VAV2: variants seen among roughly 807,000 people sequenced by gnomAD.
The protein encoded by VAV2 is vav guanine nucleotide exchange factor 2.
Under a neutral mutation model 132.5 loss-of-function variants are expected in VAV2, and 67 were observed. The observed-to-expected ratio is 0.51, with a 90% CI of 0.42 to 0.62. The LOEUF is 0.62. Among genes scored for constraint, VAV2 ranks in the 20% least tolerant of loss-of-function variants. VAV2 has a pLI of 0.00. For missense variants in VAV2, 938 were observed against 1,153.6 expected, an observed-to-expected ratio of 0.81 and a Z score of 2.71; for synonymous variants, 492 against 443.5, an observed-to-expected ratio of 1.11 and a Z score of -1.37.
intron 4 of VAV2, among the ~76,000 whole-genome samples, chr9:133,814,471 C>T (rs1835479404): frequency 6.6e-6 from 1 of 152,256 alleles, no homozygotes; most frequent in African/African-American, 2.4e-5. Context: ...GACAGGGAAG[C>T]TTCCAGGCTG....
intron 3 of VAV2, among the ~76,000 whole-genome samples, chr9:133,838,413 G>A (rs1310570504): frequency 6.9e-6 from 1 of 144,188 alleles, no homozygotes; most frequent in Non-Finnish European, 1.5e-5. Flanking sequence ...CTGGCTGAGT[G>A]GGTGCATGGA....
intron 3 of VAV2, among the ~76,000 whole-genome samples, chr9:133,848,443 A>G (rs1837035927): frequency 1.3e-5 from 2 of 152,210 alleles, no homozygotes; most frequent in East Asian, 1.9e-4. Context: ...AGAAACTTCC[A>G]AGTTTCTTGT....
chr9:133,885,042 G>A lies in VAV2; in HGVS notation c.322-23610C>T, dbSNP rs1310128592. Among the ~76,000 whole-genome samples the A allele has an allele frequency of 6.6e-6, 1 of 152,238 alleles. No homozygotes were observed. Among genetic ancestry groups the A allele is most frequent in the Non-Finnish European group, 1.5e-5 (1 of 68,046 alleles). ...CTTCCAGGCCGATGACACCATCTGA[G>A]CCAGCCACAGTGACAGGCAGAGCCT... On this transcript the variant is annotated intron_variant, in intron 2 of 29. Coordinates refer to ENST00000371850, the MANE Select transcript of VAV2 (RefSeq NM_001134398.2). This position sits in a 1 kb window ranked among gnomAD's most constrained non-coding sequence, Gnocchi z 5.0.
chr9:133,900,273 G>C (rs1839390181), intron 2 of VAV2, among the ~76,000 whole-genome samples: 1 of 152,006 alleles, frequency 6.6e-6, no homozygotes, highest in Non-Finnish European at 1.5e-5. Flanking sequence ...CATGAAAAAA[G>C]CCACTCCTGA....
rs187964046 is a variant in VAV2 at position 133,800,642 on chromosome 9, C to T, written c.837-2833G>A. 7.5e-4 allele frequency among the ~76,000 whole-genome samples: 114 copies of T among 152,328 alleles called. 1 individual carries two copies. The East Asian group carries it at 0.02, about 27-fold the overall frequency. On this transcript the variant is annotated intron_variant, in intron 9 of 29. Transcript: ENST00000371850. ...GAAAAAGCTCCCAACTGAAGCCCAGCGGATAACATGCCTGGTGCCAGCAGC... is the reference window on the plus strand; with the variant it reads ...GAAAAAGCTCCCAACTGAAGCCCAGTGGATAACATGCCTGGTGCCAGCAGC...
chr9:133,941,073 T>C (rs1020887591), intron 1 of VAV2, among the ~76,000 whole-genome samples: 2 of 152,018 alleles, frequency 1.3e-5, no homozygotes, highest in Non-Finnish European at 2.9e-5. Flanking sequence ...TACCGTCCAA[T>C]AGGGCAGCCA....
intron 2 of VAV2, among the ~76,000 whole-genome samples, chr9:133,869,145 G>A (rs1837926045): frequency 1.3e-5 from 2 of 152,122 alleles, no homozygotes; most frequent in South Asian, 4.1e-4. Flanking sequence ...TTACAGGCAA[G>A]TGTTACCACA....
chr9:133,907,246 A>G (rs1839691885), intron 2 of VAV2, among the ~76,000 whole-genome samples: 1 of 151,902 alleles, frequency 6.6e-6, no homozygotes, highest in Non-Finnish European at 1.5e-5. Context: ...AGACCATCGA[A>G]CCCAGCAAGC....
intron 23 of VAV2, among the ~76,000 whole-genome samples, chr9:133,776,460 A>G (rs531385695): frequency 6.6e-6 from 1 of 152,154 alleles, no homozygotes; most frequent in East Asian, 1.9e-4. Flanking sequence ...TGGTGGCCAC[A>G]CTCAGGCAGG....
chr9:133,778,852 G>T lies in VAV2; in HGVS notation c.1800C>A (p.Asn600Lys). The change falls in exon 22 of 30, where the codon AAC becomes AAA. Residue 600 changes from asparagine (N) to lysine (K), a missense_variant. Coordinates refer to ENST00000371850, the MANE Select transcript of VAV2 (RefSeq NM_001134398.2). ...GCACAGGCTTCCCGGGAGGGGCTGG[G>T]TTGCCATGGTAATTCTGCATGGCCA... ...KMVAMQNYHG[N>K]PAPPGKPVLT... 2 of 1,612,796 alleles carry T rather than the reference G, an allele frequency of 1.2e-6. No individual in the cohort carries two copies. The highest frequency in any genetic ancestry group is 1.7e-6 in the Non-Finnish European group (2 of 1,179,866).
intron 4 of VAV2, among the ~76,000 whole-genome samples, chr9:133,820,052 C>G (rs1035207224): frequency 6.6e-6 from 1 of 152,308 alleles, no homozygotes; most frequent in Non-Finnish European, 1.5e-5. Flanking sequence ...ATGTTGGGTC[C>G]TTGGGACACA....
chr9:133,843,059 C>T (rs1564398479), intron 3 of VAV2, among the ~76,000 whole-genome samples: 1 of 152,218 alleles, frequency 6.6e-6, no homozygotes, highest in Non-Finnish European at 1.5e-5. Flanking sequence ...CCAGGGATCA[C>T]GTTTCTTTCC....
intron 13 of VAV2, among the ~76,000 whole-genome samples, chr9:133,791,034 C>T (rs1000238850): frequency 1.3e-5 from 2 of 152,140 alleles, no homozygotes; most frequent in South Asian, 2.1e-4. Context: ...TACACTGCTC[C>T]ACATCCTGTA....
intron 18 of VAV2, among the ~76,000 whole-genome samples, chr9:133,783,836 C>T (rs1256301995): frequency 6.6e-6 from 1 of 151,948 alleles, no homozygotes; most frequent in Non-Finnish European, 1.5e-5. Context: ...GGAACAATCA[C>T]CTCCCGGCTA....
At chr9:133,981,950 C>A (rs1228017597) in intron 1 of VAV2, among the ~76,000 whole-genome samples, 2 of 152,250 alleles carry the variant, frequency 1.3e-5, no homozygotes, top group Non-Finnish European at 1.5e-5. Flanking sequence ...AAGCTTTGCT[C>A]TTACTGAGCA....
chr9:133,900,386 T>C (rs778240935), intron 2 of VAV2, among the ~76,000 whole-genome samples: 1 of 152,066 alleles, frequency 6.6e-6, no homozygotes, highest in Non-Finnish European at 1.5e-5. Context: ...CTAGAATGCC[T>C]CTTCCCCCAA....
At chr9:133,798,428 C>T (rs1421224269) in intron 9 of VAV2, among the ~76,000 whole-genome samples, 2 of 152,210 alleles carry the variant, frequency 1.3e-5, no homozygotes, top group Admixed American at 6.5e-5. Context: ...TGCCCACCGC[C>T]TCCTCCTGGC....
chr9:133,958,861 C>A (rs1312402305), intron 1 of VAV2, among the ~76,000 whole-genome samples: 1 of 152,244 alleles, frequency 6.6e-6, no homozygotes, highest in Non-Finnish European at 1.5e-5. Flanking sequence ...AGGCTCCAGG[C>A]ACCAGGAAGA....
intron 1 of VAV2, among the ~76,000 whole-genome samples, chr9:133,988,165 G>A (rs919226061): frequency 5.3e-5 from 8 of 152,160 alleles, no homozygotes; most frequent in African/African-American, 1.9e-4. Context: ...AGGGAGGTGG[G>A]CAACTCCCCG....
Sources: allele counts gnomAD v4.1 joint callset (sites outside exome capture counted in the v4.1 genomes callset), GRCh38; gene constraint gnomAD v4.1.1; non-coding constraint Gnocchi (gnomAD v3.1); transcripts MANE v1.5; gene names NCBI Gene and HGNC (gene_info 2026-07-23, HGNC 2026-07-21).